The following ARMC8 variants were observed in gnomAD, a reference collection of about 807,000 sequenced individuals.
ARMC8 encodes armadillo repeat-containing protein 8.
A neutral mutation model predicts 99.3 loss-of-function variants in ARMC8; 20 were observed. The ratio of observed to expected loss-of-function variants is 0.20; its 90% CI spans 0.14 to 0.29. The LOEUF is 0.29. Among genes scored for constraint, ARMC8 ranks in the 10% least tolerant of loss-of-function variants. ARMC8 has a pLI of 1.00. For synonymous variants in ARMC8, 263 were observed against 278.3 expected (o/e 0.95, Z 0.55); for missense variants, 569 against 809.5 (o/e 0.70, Z 3.60).
chr3:138,286,341 C>T (rs780618407), intron 19 of ARMC8, among the ~76,000 whole-genome samples: 1 of 152,178 alleles, frequency 6.6e-6, no homozygotes, highest in Non-Finnish European at 1.5e-5. Context: ...ACCTCTACCC[C>T]CATCATTCAA....
At chr3:138,212,519 G>T (rs2044758132) in intron 2 of ARMC8, among the ~76,000 whole-genome samples, 1 of 152,026 alleles carries the variant, frequency 6.6e-6, no homozygotes, top group Non-Finnish European at 1.5e-5. Flanking sequence ...ATGTTGGTCA[G>T]GCTGGTCTCG....
chr3:138,256,799 A>C (rs2047433165), intron 12 of ARMC8, among the ~76,000 whole-genome samples: 1 of 152,176 alleles, frequency 6.6e-6, no homozygotes, highest in African/African-American at 2.4e-5. Context: ...ATCAATATAT[A>C]GTCTGTGGTT....
chr3:138,294,446 C>T (rs545593353), intron 21 of ARMC8, among the ~76,000 whole-genome samples: 1 of 152,156 alleles, frequency 6.6e-6, no homozygotes, highest in Non-Finnish European at 1.5e-5. Context: ...CTTGTAGAAC[C>T]CTACTTGCTC....
At chr3:138,191,217 A>G (rs1179838707) in intron 1 of ARMC8, among the ~76,000 whole-genome samples, 4 of 152,184 alleles carry the variant, frequency 2.6e-5, no homozygotes, top group African/African-American at 9.7e-5. Context: ...GGAGGGTTGG[A>G]CAAACTCTCC....
intron 15 of ARMC8, among the ~76,000 whole-genome samples, 160 bp downstream of exon 15, chr3:138,267,401 A>T (rs376958985): frequency 6.6e-6 from 1 of 152,234 alleles, no homozygotes; most frequent in South Asian, 2.1e-4. Context: ...TAAATCATTC[A>T]TTTTAAAGTA....
At chr3:138,289,823 C>T (rs2050770831) in intron 20 of ARMC8, among the ~76,000 whole-genome samples, 1 of 152,076 alleles carries the variant, frequency 6.6e-6, no homozygotes, top group Non-Finnish European at 1.5e-5. Flanking sequence ...GATTTCTGGG[C>T]CCCATCCCTA....
chr3:138,264,023 T>C, intron 13 of ARMC8, 108 bp from the exon 14 acceptor site: 3 of 1,069,154 alleles, frequency 2.8e-6, no homozygotes, highest in Non-Finnish European at 4.2e-6. Flanking sequence ...CACTTAACAA[T>C]GTAGATATGC....
At chr3:138,197,116 T>C (rs2043781866) in intron 1 of ARMC8, among the ~76,000 whole-genome samples, 1 of 152,162 alleles carries the variant, frequency 6.6e-6, no homozygotes, top group Non-Finnish European at 1.5e-5. Context: ...GTAAGGTGAT[T>C]GTGGGTCTGG....
intron 1 of ARMC8, among the ~76,000 whole-genome samples, chr3:138,201,505 AG>A (rs1473027592): frequency 9.3e-6 from 1 of 107,976 alleles, no homozygotes; most frequent in Non-Finnish European, 1.7e-5. Context: ...CTCTGTCTCC[AG>A]GCTGGAGTGC....
chr3:138,276,615 T>G (rs1427861503), intron 18 of ARMC8, among the ~76,000 whole-genome samples: 1 of 152,216 alleles, frequency 6.6e-6, no homozygotes, highest in Non-Finnish European at 1.5e-5. Flanking sequence ...GCAGTTGTAT[T>G]TTTATATACT....
At chr3:138,264,366 A>G (rs1301558101) in intron 14 of ARMC8, among the ~76,000 whole-genome samples, 154 bp downstream of exon 14, 1 of 150,696 alleles carries the variant, frequency 6.6e-6, no homozygotes, top group Non-Finnish European at 1.5e-5. Flanking sequence ...CTAAGCATCT[A>G]CAAATGCTTC....
chr3:138,205,861 T>A (rs2044345965), intron 1 of ARMC8, among the ~76,000 whole-genome samples: 1 of 152,202 alleles, frequency 6.6e-6, no homozygotes. Flanking sequence ...CTTCCCAACT[T>A]GGACCATAAA....
chr3:138,201,369 CTT>C (rs1417778587), intron 1 of ARMC8, among the ~76,000 whole-genome samples: 1 of 141,510 alleles, frequency 7.1e-6, no homozygotes, highest in Non-Finnish European at 1.5e-5. Flanking sequence ...TTCTCAAACA[CTT>C]TTTTGCTTTA....
chr3:138,207,235 A>G (rs1461937924), intron 1 of ARMC8, among the ~76,000 whole-genome samples: 1 of 152,210 alleles, frequency 6.6e-6, no homozygotes, highest in African/African-American at 2.4e-5. Flanking sequence ...CTGGTTTACA[A>G]ATGTCCTCCT....
At chr3:138,285,372 C>T (rs1390228010) in intron 19 of ARMC8, among the ~76,000 whole-genome samples, 2 of 152,154 alleles carry the variant, frequency 1.3e-5, no homozygotes, top group Non-Finnish European at 2.9e-5. Flanking sequence ...TTTATGATGG[C>T]CTGTCAAGTC....
At chr3:138,233,671 T>TC (rs1243384933) in intron 6 of ARMC8, among the ~76,000 whole-genome samples, 1 of 152,222 alleles carries the variant, frequency 6.6e-6, no homozygotes, top group Non-Finnish European at 1.5e-5. Flanking sequence ...AATGCTAATT[T>TC]CCCCACTTCA....
intron 1 of ARMC8, among the ~76,000 whole-genome samples, chr3:138,192,443 A>C (rs1241103395): frequency 6.6e-6 from 1 of 151,834 alleles, no homozygotes; most frequent in Non-Finnish European, 1.5e-5. Context: ...ACACCTGGCT[A>C]ATTTTTTATA....
At position 138,239,547 on chromosome 3, in the gene ARMC8, T is replaced by C. The variant is rs773126159; in HGVS notation, c.837+19T>C. The C allele has an allele frequency of 4.6e-6, 7 of 1,526,714 alleles. No individual in the cohort carries two copies. Among genetic ancestry groups the C allele is most frequent in the Non-Finnish European group, 6.3e-6 (7 of 1,117,952 alleles). The allele number at this position is 1,526,714 out of a possible 1,614,324, so 94.6% of individuals were successfully genotyped here. On this transcript the variant is annotated intron_variant, in intron 10 of 21. Coordinates refer to ENST00000469044, the MANE Select transcript of ARMC8 (RefSeq NM_001363941.2). The stretch of plus-strand genomic sequence containing the variant: ...ATTAAAGGTAAGCTAATTAATTATC[T>C]TTAAAATGTGAAAATTATCCAGTTA...
At chr3:138,235,782 A>G (rs182589635) in intron 7 of ARMC8, among the ~76,000 whole-genome samples, 63 of 140,256 alleles carry the variant, frequency 4.5e-4, no homozygotes, top group African/African-American at 1.6e-3. Flanking sequence ...CAGTGACTCC[A>G]TTCTGTCCTT....
Sources: gnomAD v4.1 joint callset for allele counts (sites outside exome capture counted in the v4.1 genomes callset) on GRCh38, gnomAD v4.1.1 for gene constraint, MANE v1.5 for transcripts, NCBI Gene and HGNC (gene_info 2026-07-23, HGNC 2026-07-21) for gene names.